Variants in USP31 observed in about 807,000 individuals in gnomAD.
The protein encoded by USP31 is ubiquitin specific peptidase 31, also known as ubiquitin carboxyl-terminal hydrolase 31.
In USP31, 44 loss-of-function variants were observed where a neutral mutation model predicts 119.4. That is an observed-to-expected ratio of 0.37 (90% CI 0.29 to 0.47). The LOEUF is 0.47. Among genes scored for constraint, USP31 ranks in the 20% least tolerant of loss-of-function variants. The pLI is 0.99. For missense variants in USP31, 1,643 were observed against 1,730.2 expected, an observed-to-expected ratio of 0.95 and a Z score of 0.89; for synonymous variants, 749 against 705.6, an observed-to-expected ratio of 1.06 and a Z score of -0.97.
intron 1 of USP31, among the ~76,000 whole-genome samples, chr16:23,117,397 G>C (rs1019838682): frequency 4.6e-5 from 7 of 152,226 alleles, no homozygotes; most frequent in Non-Finnish European, 1.0e-4. Flanking sequence ...AGTAAAGTAT[G>C]CATTCCTCAC....
intron 1 of USP31, among the ~76,000 whole-genome samples, chr16:23,119,144 G>A (rs943570941): frequency 6.7e-6 from 1 of 150,112 alleles, no homozygotes; most frequent in African/African-American, 2.5e-5. Flanking sequence ...TGTCCCCCAG[G>A]CTGGAGTGCA....
Position 23,149,308 on chromosome 16 carries a change from C to T in USP31, c.-38G>A. On this transcript the variant is annotated 5_prime_UTR_variant, in exon 1 of 16. Coordinates refer to ENST00000219689, the MANE Select transcript of USP31 (RefSeq NM_020718.4). ...AGACACTCATCACCGCGCCCGCCCG[C>T]CCGGCCCGCGGCCCCGCCACGGCCG... The T allele has an allele frequency of 9.7e-7, 1 of 1,031,846 alleles. No homozygotes were observed. The highest frequency in any genetic ancestry group is 1.2e-6 in the Non-Finnish European group (1 of 861,942). The allele number at this position is 1,031,846 out of a possible 1,614,324, so 63.9% of individuals were successfully genotyped here. A position where few individuals can be genotyped will look rare whatever the true frequency, so the allele number is the denominator to read the frequency against.
intron 9 of USP31, among the ~76,000 whole-genome samples, chr16:23,085,915 G>A (rs1901088470): frequency 6.6e-6 from 1 of 152,184 alleles, no homozygotes; most frequent in African/African-American, 2.4e-5. Context: ...GAGGTTGGAA[G>A]AAATTTAGTG....
rs1899993873 is a variant in USP31 at position 23,064,647 on chromosome 16, G to A, written c.*3399C>T. 1 of 152,146 alleles carries A rather than the reference G, an allele frequency of 6.6e-6. No homozygotes were observed. Among genetic ancestry groups the A allele is most frequent in the Non-Finnish European group, 1.5e-5 (1 of 68,040 alleles). 9.4% of individuals were successfully genotyped at this position (152,146 alleles called of 1,614,324 possible). A position where few individuals can be genotyped will look rare whatever the true frequency, so the allele number is the denominator to read the frequency against. On this transcript the variant is annotated 3_prime_UTR_variant, in exon 16 of 16. Transcript: ENST00000219689. ...TTGCTCAAGAGAACCACAAGCCTTA[G>A]CCGATTTGACCGGAATCCACGTGAT...
intron 1 of USP31, among the ~76,000 whole-genome samples, chr16:23,140,620 T>C (rs779809585): frequency 3.9e-5 from 6 of 152,220 alleles, no homozygotes; most frequent in Non-Finnish European, 7.3e-5. Flanking sequence ...TCTAAGTCTA[T>C]AGCCCATGGC....
rs1012431827 is a variant in USP31, at chr16:23,064,880, T to C, written c.*3166A>G. ...CGTGTCAGGCAGCCTCACAGATAATTACAGTATTTTAGCACACCACAAATA... is the reference window on the plus strand; with the variant it reads ...CGTGTCAGGCAGCCTCACAGATAATCACAGTATTTTAGCACACCACAAATA... On this transcript the variant is annotated 3_prime_UTR_variant, in exon 16 of 16. Coordinates refer to ENST00000219689, the MANE Select transcript of USP31 (RefSeq NM_020718.4). The C allele has an allele frequency of 2.0e-5, 3 of 152,188 alleles. No homozygotes were observed. Among genetic ancestry groups the C allele is most frequent in the Admixed American group, 2.0e-4 (3 of 15,276 alleles). The allele number at this position is 152,188 out of a possible 1,614,324, so 9.4% of individuals were successfully genotyped here.
chr16:23,133,003 A>G (rs1903075562), intron 1 of USP31, among the ~76,000 whole-genome samples: 1 of 152,204 alleles, frequency 6.6e-6, no homozygotes, highest in Non-Finnish European at 1.5e-5. Flanking sequence ...GAGACAAAGA[A>G]AAGAAAGTAA....
chr16:23,093,673 C>T (rs760037916), intron 6 of USP31, among the ~76,000 whole-genome samples: 11 of 152,122 alleles, frequency 7.2e-5, no homozygotes, highest in Middle Eastern at 3.2e-3. Context: ...CAATTCCATT[C>T]CTAGGTACAT....
In USP31 at chr16:23,069,461, G is replaced by T; in HGVS notation, c.2644C>A (p.Arg882=). The change falls in exon 16 of 16, where the codon CGA becomes AGA. Residue 882 remains arginine (R), a synonymous_variant. Coordinates refer to ENST00000219689, the MANE Select transcript of USP31 (RefSeq NM_020718.4). ...TGAATTGGCGAATCCCCTGAAAATC[G>T]GGATGGAGAATTGGAGCGCATCTGC... ...KLQMRSNSPS[R]FSGDSPIHSS... 3.1e-6 allele frequency: 5 copies of T among 1,614,190 alleles called. No homozygotes were observed. The highest frequency in any genetic ancestry group is 4.2e-6 in the Non-Finnish European group (5 of 1,180,032).
In USP31 at chr16:23,069,432, G is replaced by A. The variant is rs557474226; in HGVS notation, c.2673C>T (p.Ser891=). 2.5e-6 allele frequency: 4 copies of A among 1,614,222 alleles called. No homozygotes were observed. Among genetic ancestry groups the A allele is most frequent in the Admixed American group, 3.3e-5 (2 of 60,028 alleles). ...CAATCTTCTCCAAGGTGGAAGCAGAGCTGTGAATTGGCGAATCCCCTGAAA... is the reference window on the plus strand; with the variant it reads ...CAATCTTCTCCAAGGTGGAAGCAGAACTGTGAATTGGCGAATCCCCTGAAA... ...SRFSGDSPIH[S]SASTLEKIGE... Residue 891 remains serine (S), a synonymous_variant, in exon 16 of 16, where the codon AGC becomes AGT. Coordinates refer to ENST00000219689, the MANE Select transcript of USP31 (RefSeq NM_020718.4).
At chr16:23,131,007 C>A (rs540085962) in intron 1 of USP31, among the ~76,000 whole-genome samples, 1 of 152,252 alleles carries the variant, frequency 6.6e-6, no homozygotes, top group African/African-American at 2.4e-5. Context: ...ACGCTATACC[C>A]GTCAAGACAT....
intron 6 of USP31, among the ~76,000 whole-genome samples, chr16:23,096,414 T>G (rs1020727739): frequency 8.5e-5 from 13 of 152,164 alleles, no homozygotes; most frequent in Non-Finnish European, 1.8e-4. Flanking sequence ...CATCCCACTG[T>G]CAACATTAGA....
At chr16:23,082,704 A>C in intron 11 of USP31, 147 bp from the exon 12 acceptor site, 2 of 1,117,702 alleles carry the variant, frequency 1.8e-6, no homozygotes, top group Non-Finnish European at 2.5e-6. Flanking sequence ...ACACAATCAA[A>C]AGTAGCCAGA....
chr16:23,073,640 A>G, intron 14 of USP31, 82 bp downstream of exon 14: 4 of 1,481,472 alleles, frequency 2.7e-6, no homozygotes, highest in Non-Finnish European at 3.7e-6. Context: ...GAGTCATGAG[A>G]GCCTCCAGAG....
intron 13 of USP31, among the ~76,000 whole-genome samples, chr16:23,074,536 C>G (rs1305106601): frequency 6.6e-6 from 1 of 152,196 alleles, no homozygotes; most frequent in African/African-American, 2.4e-5. Context: ...AAAGATTAAT[C>G]TGCTTGCCCA....
At chr16:23,074,980 T>C (rs1254460627) in intron 13 of USP31, among the ~76,000 whole-genome samples, 2 of 152,158 alleles carry the variant, frequency 1.3e-5, no homozygotes, top group Non-Finnish European at 2.9e-5. Flanking sequence ...ATGGGGCAGA[T>C]AAGGTCCTGA....
In USP31 at chr16:23,069,074, G is replaced by A. The variant is rs1242387220; in HGVS notation, c.3031C>T (p.His1011Tyr). The change falls in exon 16 of 16, where the codon CAC (histidine) becomes TAC (tyrosine). Residue 1011 changes from histidine (H) to tyrosine (Y), a missense_variant. By Grantham distance (83) the His-to-Tyr change is moderately conservative. Coordinates refer to ENST00000219689, the MANE Select transcript of USP31 (RefSeq NM_020718.4). ...GGTTTCTTTGCGAGTGAGCCTGGGT[G>A]GCTGGGGGCTTTCACCTCTTTGACT... ...SPVKEVKAPS[H>Y]PGSLAKKPES... 3 of 1,612,318 alleles carry A rather than the reference G, an allele frequency of 1.9e-6. No individual in the cohort carries two copies. Among genetic ancestry groups the A allele is most frequent in the Non-Finnish European group, 2.5e-6 (3 of 1,180,034 alleles).
intron 6 of USP31, 83 bp from the exon 7 acceptor site, chr16:23,090,887 A>T: frequency 7.7e-7 from 1 of 1,304,874 alleles, no homozygotes. Flanking sequence ...CCCAACAGAG[A>T]AAATTTTTTT....
intron 6 of USP31, 60 bp from the exon 7 acceptor site, chr16:23,090,864 A>G: frequency 4.4e-6 from 6 of 1,378,044 alleles, no homozygotes; most frequent in Non-Finnish European, 5.7e-6. Flanking sequence ...TTCACTCGTT[A>G]TGAAGAAATT....
Sources: gnomAD v4.1 joint callset for allele counts (sites outside exome capture counted in the v4.1 genomes callset) on GRCh38, gnomAD v4.1.1 for gene constraint, MANE v1.5 for transcripts, NCBI Gene and HGNC (gene_info 2026-07-23, HGNC 2026-07-21) for gene names.